Variants in RUNX3 observed in about 807,000 individuals in gnomAD.
RUNX3 encodes the protein RUNX family transcription factor 3.
Under a neutral mutation model 27.7 loss-of-function variants are expected in RUNX3, and 10 were observed. That is an observed-to-expected ratio of 0.36 (90% CI 0.22 to 0.61). The LOEUF is 0.61. Ranked by LOEUF, RUNX3 falls within the 20% of genes least tolerant of loss-of-function variation. The pLI, the probability that RUNX3 is intolerant of heterozygous loss-of-function variation, is 0.72. For synonymous variants in RUNX3, 270 were observed against 269.2 expected, an observed-to-expected ratio of 1.00 and a Z score of -0.03; for missense variants, 469 against 629.5, an observed-to-expected ratio of 0.75 and a Z score of 2.73.
At chr1:24,918,118 C>G (rs1382822186) in intron 3 of RUNX3, among the ~76,000 whole-genome samples, 2 of 152,168 alleles carry the variant, frequency 1.3e-5, no homozygotes, top group Non-Finnish European at 2.9e-5. Context: ...CTGCTGGACT[C>G]AGCTCCAAGC....
chr1:24,931,743 G>A (rs1641233567), upstream of RUNX3, among the ~76,000 whole-genome samples: 1 of 152,208 alleles, frequency 6.6e-6, no homozygotes, highest in South Asian at 2.1e-4. Flanking sequence ...GCGCTCCAGG[G>A]GCGAAGGACT....
At chr1:24,928,153 C>A (rs1017943298) in intron 1 of RUNX3, among the ~76,000 whole-genome samples, 4 of 152,230 alleles carry the variant, frequency 2.6e-5, no homozygotes, top group Non-Finnish European at 4.4e-5. Flanking sequence ...AACAACAGGG[C>A]TGCTACCCCC....
In RUNX3 at chr1:24,964,788, G is replaced by A. The variant is rs938820564; in HGVS notation, c.-98+48C>T. On this transcript the variant is annotated intron_variant, in intron 1 of 6. Coordinates refer to the RUNX3 transcript ENST00000338888. ...GGAAAGAACGCGAGAGTGTGTGTGA[G>A]TGAGAGAGAGAAAAAAATCCCCAAG... The A allele has an allele frequency of 5.5e-5, 68 of 1,226,808 alleles. 1 individual carries two copies. Among genetic ancestry groups the A allele is most frequent in the Non-Finnish European group, 1.6e-5 (15 of 917,162 alleles). The allele number at this position is 1,226,808 out of a possible 1,614,324, so 76.0% of individuals were successfully genotyped here.
At chr1:24,946,379 G>A (rs1390627907) in intron 2 of RUNX3, among the ~76,000 whole-genome samples, 6 of 78,768 alleles carry the variant, frequency 7.6e-5, no homozygotes, top group African/African-American at 1.5e-4. Context: ...TCTCTTCCCC[G>A]CCCTCCCTCC....
Position 24,924,221 on chromosome 1 carries a change from T to A in RUNX3, c.439+3353A>T, listed in dbSNP as rs573111055. 9.9e-5 allele frequency among the ~76,000 whole-genome samples: 15 copies of A among 152,152 alleles called. No homozygotes were observed. The East Asian group carries it at 2.5e-3, about 25-fold the overall frequency. On this transcript the variant is annotated intron_variant, in intron 2 of 4. Coordinates refer to ENST00000308873, the MANE Select transcript of RUNX3 (RefSeq NM_004350.3). ...CCCCCATCTCTACAACAAATAATTT[T>A]AAAAAATCAGCTGAGCATGGTGGCG...
At chr1:24,914,434 G>A (rs1180794119) in intron 3 of RUNX3, among the ~76,000 whole-genome samples, 3 of 152,342 alleles carry the variant, frequency 2.0e-5, no homozygotes, top group East Asian at 1.9e-4. Flanking sequence ...TAACAGCCTC[G>A]CGGAATCGCA....
chr1:24,940,799 G>A (rs1322266379), intron 2 of RUNX3, among the ~76,000 whole-genome samples: 1 of 152,002 alleles, frequency 6.6e-6, no homozygotes, highest in East Asian at 1.9e-4. Context: ...TAGGGAGAGG[G>A]ATGCAGTCAG....
intron 2 of RUNX3, among the ~76,000 whole-genome samples, chr1:24,948,682 A>T (rs111683912): frequency 7.9e-4 from 118 of 149,632 alleles, no homozygotes; most frequent in African/African-American, 2.7e-3. Context: ...TGCGTGCAAG[A>T]CAGAGGTGCA....
intron 2 of RUNX3, among the ~76,000 whole-genome samples, chr1:24,957,173 C>G (rs576836180): frequency 1.3e-5 from 2 of 152,334 alleles, no homozygotes; most frequent in African/African-American, 4.8e-5. Context: ...GAAAGAAAAC[C>G]CCAAAGAGGA....
upstream of RUNX3, among the ~76,000 whole-genome samples, chr1:24,934,518 C>T (rs1020281386): frequency 2.0e-5 from 3 of 152,206 alleles, no homozygotes; most frequent in South Asian, 4.1e-4. Context: ...CCTTGGTCCC[C>T]GAGGGTAAAA....
chr1:24,951,204 CAAAA>C (rs542137531), intron 2 of RUNX3, among the ~76,000 whole-genome samples: 1 of 96,462 alleles, frequency 1.0e-5, no homozygotes. Flanking sequence ...GACTCCATCT[CAAAA>C]AAAAAAAAAA....
intron 3 of RUNX3, among the ~76,000 whole-genome samples, chr1:24,909,416 G>A (rs961519782): frequency 6.6e-6 from 1 of 152,066 alleles, no homozygotes. Context: ...GCCTCAGTCC[G>A]GGTGTGTCAT....
At chr1:24,921,515 C>G (rs577417848) in intron 2 of RUNX3, among the ~76,000 whole-genome samples, 1 of 152,196 alleles carries the variant, frequency 6.6e-6, no homozygotes, top group Non-Finnish European at 1.5e-5. Context: ...CAGAACAGAC[C>G]TGGTCTCCCA....
upstream of RUNX3, chr1:24,930,291 C>CCGCGCGGGGT (rs1553204024): frequency 1.0e-6 from 1 of 972,918 alleles, no homozygotes; most frequent in Non-Finnish European, 1.2e-6. This position sits in a 1 kb window ranked among gnomAD's most constrained non-coding sequence, Gnocchi z 4.1. Context: ...CCGCGGCCGC[C>CCGCGCGGGGT]CGCGCGGGGT....
Position 24,902,486 on chromosome 1 carries a change from G to A in RUNX3, c.884C>T (p.Ala295Val), listed in dbSNP as rs947627767. 4 of 1,600,308 alleles carry A rather than the reference G, an allele frequency of 2.5e-6. No homozygotes were observed. The highest frequency in any genetic ancestry group is 1.3e-5 in the African/African-American group (1 of 74,690). ...SGTSISSLSV[A>V]GMPATSRFHH... ...GAAGCGGCTGGTGGCCGGCATGCCC[G>A]CCACGCTGAGGCTGCTGATGCTCGT... Residue 295 changes from alanine (A) to valine (V), a missense_variant, in exon 5 of 5, where the codon GCG becomes GTG. Ala to Val is a moderately conservative substitution (Grantham distance 64). Around this residue, in one of 3 missense-constraint regions of RUNX3, gnomAD observed 279 missense variants for 343.0 expected, o/e 0.81. Transcript: ENST00000308873. This position sits in a 1 kb window ranked among gnomAD's most constrained non-coding sequence, Gnocchi z 9.2.
chr1:24,937,526 C>T (rs965241912), intron 2 of RUNX3, among the ~76,000 whole-genome samples: 1 of 152,220 alleles, frequency 6.6e-6, no homozygotes, highest in Non-Finnish European at 1.5e-5. Flanking sequence ...GTGAATTGGG[C>T]AGATGTGGAA....
At chr1:24,940,732 C>CAA (rs34576113) in intron 2 of RUNX3, among the ~76,000 whole-genome samples, 156 of 126,586 alleles carry the variant, frequency 1.2e-3, no homozygotes, top group South Asian at 4.4e-3. Context: ...CTGTATCTAC[C>CAA]AAAAAAAAAA....
At chr1:24,933,442 G>A (rs1252747215), upstream of RUNX3, among the ~76,000 whole-genome samples, 1 of 152,174 alleles carries the variant, frequency 6.6e-6, no homozygotes, top group Non-Finnish European at 1.5e-5. Flanking sequence ...TCCTTGCTGG[G>A]GGCCTTTGAC....
intron 2 of RUNX3, among the ~76,000 whole-genome samples, chr1:24,951,216 A>AAAT (rs369955507): frequency 0.01 from 1,531 of 150,896 alleles, 19 homozygotes; most frequent in South Asian, 0.028. Flanking sequence ...AAAAAAAAAA[A>AAAT]AAAAAAATAA....
Sources: allele counts gnomAD v4.1 joint callset (sites outside exome capture counted in the v4.1 genomes callset), GRCh38; gene constraint gnomAD v4.1.1; regional missense constraint gnomAD v4.1.1; non-coding constraint Gnocchi (gnomAD v3.1); transcripts MANE v1.5; gene names NCBI Gene and HGNC (gene_info 2026-07-23, HGNC 2026-07-21).